The following CYP2C18 variants were observed in gnomAD, a reference collection of about 807,000 sequenced individuals.
The protein encoded by CYP2C18 is cytochrome P450 2C18.
Under a neutral mutation model 41.3 loss-of-function variants are expected in CYP2C18, and 38 were observed. The ratio of observed to expected loss-of-function variants is 0.92; its 90% CI spans 0.71 to 1.21. The LOEUF is 1.21. Ranked by LOEUF, CYP2C18 falls within the 50% of genes most tolerant of loss-of-function variation. The probability of loss-of-function intolerance (pLI) is 0.00; values close to 1 mark genes in which losing one functional copy is unlikely to be tolerated. For missense variants in CYP2C18, 635 were observed against 591.4 expected (o/e 1.07, Z -0.77); for synonymous variants, 236 against 210.0 (o/e 1.12, Z -1.07).
chr10:94,701,219 C>G (rs535916910), intron 4 of CYP2C18, among the ~76,000 whole-genome samples: 10 of 152,180 alleles, frequency 6.6e-5, no homozygotes, highest in African/African-American at 1.9e-4. Flanking sequence ...GGAACCACAC[C>G]AAATATCCAA....
At chr10:94,704,141 C>T (rs957518813) in intron 4 of CYP2C18, among the ~76,000 whole-genome samples, 5 of 152,138 alleles carry the variant, frequency 3.3e-5, no homozygotes, top group South Asian at 2.1e-4. Flanking sequence ...GCATTGGTCT[C>T]GTTGGGAACC....
chr10:94,695,012 AG>A lies in CYP2C18; in HGVS notation c.579del (p.Arg193SerfsTer5), dbSNP rs1847087622. ...TGATCGATTTGATTATAAAGATCAGAGGTTTCTTAACTTGATGGAAAAATTC... is the reference window on the plus strand; with the variant it reads ...TGATCGATTTGATTATAAAGATCAGAGTTTCTTAACTTGATGGAAAAATTC... Reference protein sequence around the residue: ...FHDRFDYKDQRFLNLMEKFNE... With the variant: ...FHDRFDYKDQXFLNLMEKFNE... On this transcript the variant is annotated frameshift_variant, in exon 4 of 9. Transcript: ENST00000285979. LOFTEE classifies it high-confidence loss of function. 2.5e-6 allele frequency: 4 copies of A among 1,613,258 alleles called. No homozygotes were observed. Among genetic ancestry groups the A allele is most frequent in the Non-Finnish European group, 3.4e-6 (4 of 1,179,856 alleles).
intron 3 of CYP2C18, among the ~76,000 whole-genome samples, chr10:94,692,072 T>C (rs1847010849): frequency 1.3e-5 from 2 of 152,208 alleles, no homozygotes; most frequent in South Asian, 4.1e-4. Context: ...ATAAAAATCC[T>C]AGAAGAAAAC....
chr10:94,689,983 G>T (rs375537246), intron 3 of CYP2C18, among the ~76,000 whole-genome samples: 61 of 152,068 alleles, frequency 4.0e-4, no homozygotes, highest in African/African-American at 1.3e-3. Context: ...CCCAATGAAG[G>T]CTCAGCCCCA....
rs532620618 is a variant in CYP2C18, at chr10:94,733,451, C to T, written c.1291+13C>T. On this transcript the variant is annotated intron_variant, in intron 8 of 8. Transcript: ENST00000285979. ...CCTTTCTCAGCAGGTAATAGATATT[C>T]ATTTCCATCTGTCCTTCAGGGCACA... 1 of 1,612,636 alleles carries T rather than the reference C, an allele frequency of 6.2e-7. No homozygotes were observed. The highest frequency in any genetic ancestry group is 2.2e-5 in the East Asian group (1 of 44,826).
At chr10:94,700,403 G>A in intron 4 of CYP2C18, among the ~76,000 whole-genome samples, 1 of 152,190 alleles carries the variant, frequency 6.6e-6, no homozygotes, top group Non-Finnish European at 1.5e-5. Flanking sequence ...AATAAATGGT[G>A]CTGGTAAAAC....
intron 6 of CYP2C18, among the ~76,000 whole-genome samples, chr10:94,721,686 C>G (rs1847647801): frequency 6.6e-6 from 1 of 152,038 alleles, no homozygotes; most frequent in African/African-American, 2.4e-5. Flanking sequence ...TGTTTAGCTC[C>G]CATTTATAAG....
At chr10:94,695,922 A>G (rs145712520) in intron 4 of CYP2C18, among the ~76,000 whole-genome samples, 3,187 of 152,076 alleles carry the variant, frequency 0.021, 76 homozygotes, top group Non-Finnish European at 0.029. Flanking sequence ...CAAGATGGCA[A>G]TGAGGCTGGG....
At chr10:94,686,625 T>C (rs1192336363) in intron 1 of CYP2C18, among the ~76,000 whole-genome samples, 1 of 152,236 alleles carries the variant, frequency 6.6e-6, no homozygotes, top group Non-Finnish European at 1.5e-5. Flanking sequence ...TTATATGTTA[T>C]AGGAACATTC....
At chr10:94,697,772 A>C (rs1205918544) in intron 4 of CYP2C18, among the ~76,000 whole-genome samples, 1 of 152,220 alleles carries the variant, frequency 6.6e-6, no homozygotes, top group Non-Finnish European at 1.5e-5. Flanking sequence ...CTCAAAATAA[A>C]GGGATGGAGG....
At chr10:94,705,823 A>G (rs1418470494) in intron 4 of CYP2C18, among the ~76,000 whole-genome samples, 1 of 152,164 alleles carries the variant, frequency 6.6e-6, no homozygotes, top group African/African-American at 2.4e-5. Flanking sequence ...CAGATGAGAA[A>G]AGAAATGCCT....
chr10:94,702,782 G>C (rs559009260), intron 4 of CYP2C18, among the ~76,000 whole-genome samples: 1 of 152,146 alleles, frequency 6.6e-6, no homozygotes, highest in Non-Finnish European at 1.5e-5. Context: ...TGCTGTTGAG[G>C]AGTTGTGATC....
intron 7 of CYP2C18, among the ~76,000 whole-genome samples, chr10:94,725,481 G>A (rs1847724495): frequency 6.6e-6 from 1 of 151,690 alleles, no homozygotes; most frequent in Admixed American, 6.6e-5. Flanking sequence ...TTATTTCACT[G>A]GTTAGGATTT....
chr10:94,712,536 C>T (rs189069218), intron 5 of CYP2C18, among the ~76,000 whole-genome samples: 1 of 152,178 alleles, frequency 6.6e-6, no homozygotes, highest in Admixed American at 6.5e-5. Flanking sequence ...ATTTTTAAGG[C>T]TGAATAGTAT....
intron 7 of CYP2C18, among the ~76,000 whole-genome samples, chr10:94,729,075 A>G (rs561974814): frequency 7.9e-5 from 12 of 152,260 alleles, no homozygotes; most frequent in Admixed American, 2.6e-4. Flanking sequence ...CTTGTGTAAT[A>G]GTCTGCATCT....
intron 5 of CYP2C18, among the ~76,000 whole-genome samples, chr10:94,713,374 T>C (rs1425375011): frequency 4.6e-5 from 7 of 151,688 alleles, no homozygotes; most frequent in African/African-American, 1.7e-4. Context: ...ATGTTCCCCT[T>C]CCTGTGTCCA....
At chr10:94,684,812 A>T (rs569799961) in intron 1 of CYP2C18, among the ~76,000 whole-genome samples, 2 of 152,174 alleles carry the variant, frequency 1.3e-5, no homozygotes, top group African/African-American at 4.8e-5. Context: ...TTACATACCC[A>T]AGGTTCACTT....
intron 8 of CYP2C18, among the ~76,000 whole-genome samples, chr10:94,734,998 C>T (rs796502647): frequency 7.9e-5 from 12 of 152,224 alleles, no homozygotes; most frequent in African/African-American, 2.4e-4. Context: ...GCAGTTATAA[C>T]GTGGGAACAC....
intron 3 of CYP2C18, among the ~76,000 whole-genome samples, chr10:94,690,091 C>T (rs572059775): frequency 7.2e-5 from 11 of 152,062 alleles, no homozygotes; most frequent in Non-Finnish European, 1.2e-4. Flanking sequence ...CTTTAGGAAC[C>T]GTGAGTAATG....
Sources: allele counts gnomAD v4.1 joint callset (sites outside exome capture counted in the v4.1 genomes callset), GRCh38; gene constraint gnomAD v4.1.1; transcripts MANE v1.5; gene names NCBI Gene and HGNC (gene_info 2026-07-23, HGNC 2026-07-21).